NT5C1B: variants seen among roughly 807,000 people sequenced by gnomAD.
NT5C1B encodes 5'-nucleotidase, cytosolic IB.
In NT5C1B, 44 loss-of-function variants were observed where a neutral mutation model predicts 57.8. That is an observed-to-expected ratio of 0.76 (90% CI 0.60 to 0.98). NT5C1B has a LOEUF of 0.98. Ranked by LOEUF, NT5C1B falls within the 50% of genes least tolerant of loss-of-function variation. NT5C1B has a pLI of 0.00. For missense variants in NT5C1B, 742 were observed against 719.5 expected (o/e 1.03, Z -0.36); for synonymous variants, 284 against 282.6 (o/e 1.00, Z -0.05).
At chr2:18,580,218 A>G (rs1666060573) in intron 6 of NT5C1B, among the ~76,000 whole-genome samples, 1 of 152,242 alleles carries the variant, frequency 6.6e-6, no homozygotes, top group Non-Finnish European at 1.5e-5. Flanking sequence ...TGTGGAAAGC[A>G]GATTGCAGAT....
At chr2:18,587,213 A>T (rs758746936) in intron 2 of NT5C1B, 8 of 1,580,596 alleles carry the variant, frequency 5.1e-6, no homozygotes, top group Non-Finnish European at 6.9e-6. Context: ...CCATGGCCAG[A>T]CCCCCTCCCC....
chr2:18,565,361 T>G (rs1664552743), intron 8 of NT5C1B, among the ~76,000 whole-genome samples: 1 of 152,186 alleles, frequency 6.6e-6, no homozygotes. Context: ...AGTACTGATT[T>G]TCTCAAAAAC....
rs575776664 is a variant in NT5C1B at position 18,578,376 on chromosome 2, A to G, written c.1022-1481T>C. On this transcript the variant is annotated intron_variant, in intron 6 of 8. Transcript: ENST00000304081. Reference sequence around the variant, plus strand: ...CAGATGCAAAAGTCCTCAACAAAATACTACCAAACCCAATCCAGCAGCACA... The same window carrying G: ...CAGATGCAAAAGTCCTCAACAAAATGCTACCAAACCCAATCCAGCAGCACA... Among the ~76,000 whole-genome samples the G allele has an allele frequency of 1.5e-4, 23 of 152,284 alleles. No individual in the cohort carries two copies. In the East Asian group the frequency reaches 4.2e-3, roughly 28 times the overall value.
intron 3 of NT5C1B, among the ~76,000 whole-genome samples, chr2:18,585,683 A>G (rs923324349): frequency 3.3e-5 from 5 of 152,188 alleles, no homozygotes; most frequent in South Asian, 2.1e-4. Flanking sequence ...ATGATTTCAG[A>G]TTGTTTCACA....
At chr2:18,576,102 C>A in intron 8 of NT5C1B, 82 bp downstream of exon 8, 2 of 1,382,910 alleles carry the variant, frequency 1.4e-6, no homozygotes, top group Non-Finnish European at 1.9e-6. Flanking sequence ...CTTAAACATT[C>A]ATCAGAATGG....
intron 8 of NT5C1B, among the ~76,000 whole-genome samples, chr2:18,570,956 G>C (rs1558371109): frequency 6.6e-6 from 1 of 152,096 alleles, no homozygotes; most frequent in East Asian, 1.9e-4. Context: ...TTTCTCAATA[G>C]ATGCAAATCA....
chr2:18,571,718 GTATATATATATATA>G (rs59799495), intron 8 of NT5C1B, among the ~76,000 whole-genome samples: 9,556 of 111,042 alleles, frequency 0.086, 560 homozygotes, highest in South Asian at 0.25. Context: ...CTGTGTGTGT[GTATATATATATATA>G]TATATATATA....
chr2:18,577,806 A>G (rs911876605), intron 6 of NT5C1B, among the ~76,000 whole-genome samples: 12 of 152,028 alleles, frequency 7.9e-5, no homozygotes, highest in African/African-American at 2.7e-4. Flanking sequence ...TATACAAAAG[A>G]TCAAAAAACC....
intron 3 of NT5C1B, chr2:18,585,202 C>G (rs1210899794): frequency 6.4e-6 from 5 of 778,584 alleles, no homozygotes; most frequent in Non-Finnish European, 9.3e-6. Context: ...CCTAGCTTCC[C>G]CATAAGCATT....
At chr2:18,587,154 G>T (rs776002305) in intron 2 of NT5C1B, 1 of 1,613,568 alleles carries the variant, frequency 6.2e-7, no homozygotes, top group Non-Finnish European at 8.5e-7. Context: ...CGAGTGATTC[G>T]GATTGACTGC....
intron 8 of NT5C1B, among the ~76,000 whole-genome samples, chr2:18,573,768 C>T (rs1320065371): frequency 6.6e-6 from 1 of 151,988 alleles, no homozygotes; most frequent in Non-Finnish European, 1.5e-5. Flanking sequence ...TGGAACACAC[C>T]CAGCAAGGCC....
At chr2:18,572,969 A>G (rs1665342827) in intron 8 of NT5C1B, among the ~76,000 whole-genome samples, 1 of 152,204 alleles carries the variant, frequency 6.6e-6, no homozygotes, top group Non-Finnish European at 1.5e-5. Context: ...ATGAAATGAA[A>G]TCTTATATTT....
chr2:18,587,249 T>TC lies in NT5C1B; in HGVS notation c.120+253dup, dbSNP rs1000203703. 3.3e-6 allele frequency: 5 copies of TC among 1,521,592 alleles called. No individual in the cohort carries two copies. The African/African-American group carries it at 4.1e-5, about 13-fold the overall frequency. 94.3% of individuals were successfully genotyped at this position (1,521,592 alleles called of 1,614,324 possible). Reference sequence around the variant, plus strand: ...TCCCTGATTTGAACAAAGACCAGTCTCCCCCCTGTGTAGGCTGAGCAGAGG... The same window carrying TC: ...TCCCTGATTTGAACAAAGACCAGTCTCCCCCCCTGTGTAGGCTGAGCAGAGG... On this transcript the variant is annotated intron_variant, in intron 2 of 8. Coordinates refer to ENST00000304081, the Ensembl canonical transcript of NT5C1B.
intron 8 of NT5C1B, among the ~76,000 whole-genome samples, chr2:18,565,577 C>T (rs577154207): frequency 1.3e-5 from 2 of 152,234 alleles, no homozygotes; most frequent in South Asian, 4.2e-4. Context: ...GCCATGCCAC[C>T]TCTTCCATCA....
At chr2:18,576,679 G>C in intron 7 of NT5C1B, 94 bp downstream of exon 7, 1 of 1,547,154 alleles carries the variant, frequency 6.5e-7, no homozygotes, top group Non-Finnish European at 8.7e-7. Flanking sequence ...TATCCAACAA[G>C]ACCATAAGCC....
chr2:18,577,331 G>C (rs1665775690), intron 6 of NT5C1B, among the ~76,000 whole-genome samples: 1 of 145,898 alleles, frequency 6.9e-6, no homozygotes, highest in Non-Finnish European at 1.5e-5. Context: ...TTGAACTACA[G>C]CCTCCTCACT....
intron 8 of NT5C1B, among the ~76,000 whole-genome samples, chr2:18,569,800 G>C (rs7557722): frequency 0.033 from 4,959 of 152,072 alleles, 276 homozygotes; most frequent in African/African-American, 0.11. Context: ...CATAAAGCAA[G>C]TAGACAGAAA....
intron 2 of NT5C1B, chr2:18,586,944 C>T (rs774896159): frequency 1.9e-6 from 3 of 1,613,464 alleles, no homozygotes; most frequent in East Asian, 4.5e-5. Flanking sequence ...TCCCCTCACC[C>T]AGGTTGTCTG....
Position 18,584,871 on chromosome 2 carries a change from C to T in NT5C1B, c.366G>A (p.Ser122=), listed in dbSNP as rs1363084909. The T allele has an allele frequency of 3.8e-6, 6 of 1,596,738 alleles. No individual in the cohort carries two copies. Among genetic ancestry groups the T allele is most frequent in the Non-Finnish European group, 4.3e-6 (5 of 1,174,022 alleles). ...AGTCCAGCGACCGGGGCAGCTGGGG[C>T]GACGCGGGTGGCTGGAGCGAGGGCT... Residue 122 remains serine (S), a synonymous_variant, in exon 4 of 9, where the codon TCG becomes TCA. Transcript: ENST00000304081. The surrounding 1 kb of genome is among the most constrained non-coding windows in gnomAD (Gnocchi z 5.8).
Sources: gnomAD v4.1 joint callset for allele counts (sites outside exome capture counted in the v4.1 genomes callset) on GRCh38, gnomAD v4.1.1 for gene constraint, Gnocchi (gnomAD v3.1) non-coding constraint, MANE v1.5 for transcripts, NCBI Gene and HGNC (gene_info 2026-07-23, HGNC 2026-07-21) for gene names.